The following NTRK2 variants were observed in gnomAD, a reference collection of about 807,000 sequenced individuals.
The protein encoded by NTRK2 is BDNF/NT-3 growth factors receptor.
Under a neutral mutation model 94.5 loss-of-function variants are expected in NTRK2, and 13 were observed. The observed-to-expected ratio is 0.14, with a 90% CI of 0.09 to 0.22. NTRK2 has a LOEUF of 0.22. Ranked by LOEUF, NTRK2 falls within the 10% of genes least tolerant of loss-of-function variation. NTRK2 has a pLI of 1.00. For missense variants in NTRK2, 639 were observed against 1,071.2 expected, an observed-to-expected ratio of 0.60 and a Z score of 5.63; for synonymous variants, 372 against 407.4, an observed-to-expected ratio of 0.91 and a Z score of 1.05.
intron 12 of NTRK2, among the ~76,000 whole-genome samples, chr9:84,772,761 T>C (rs2066679700): frequency 6.6e-6 from 1 of 152,000 alleles, no homozygotes; most frequent in African/African-American, 2.4e-5. Context: ...GAGTAAGAGA[T>C]CTCTGCACAG....
chr9:84,923,087 A>G (rs1357131263), intron 14 of NTRK2, among the ~76,000 whole-genome samples: 2 of 152,074 alleles, frequency 1.3e-5, no homozygotes, highest in Non-Finnish European at 2.9e-5. Flanking sequence ...GTGGTTGTGA[A>G]CTCTGCTGAG....
intron 14 of NTRK2, among the ~76,000 whole-genome samples, chr9:84,888,000 T>G (rs1336818561): frequency 6.6e-6 from 1 of 152,244 alleles, no homozygotes; most frequent in Non-Finnish European, 1.5e-5. Flanking sequence ...AAAACCCATT[T>G]TTTTTAAAGG....
intron 2 of NTRK2, 141 bp downstream of exon 2, chr9:84,671,101 A>G: frequency 6.3e-6 from 5 of 799,476 alleles, no homozygotes; most frequent in Non-Finnish European, 1.1e-5. Flanking sequence ...GTCATCTGTC[A>G]GTTACCTGCT....
chr9:84,943,379 G>T (rs2808707), intron 15 of NTRK2, among the ~76,000 whole-genome samples: 71,660 of 151,982 alleles, frequency 0.47, 17,519 homozygotes, highest in African/African-American at 0.61. Flanking sequence ...TATTTCACCA[G>T]CACTAGTTTC....
intron 12 of NTRK2, among the ~76,000 whole-genome samples, chr9:84,791,823 C>G (rs1393733015): frequency 1.3e-5 from 2 of 152,110 alleles, no homozygotes; most frequent in East Asian, 3.9e-4. Context: ...ATCTAAAACA[C>G]AACTCAAGCT....
intron 15 of NTRK2, among the ~76,000 whole-genome samples, chr9:84,938,820 G>C (rs117066977): frequency 2.0e-5 from 3 of 152,196 alleles, no homozygotes; most frequent in Admixed American, 2.0e-4. Context: ...GGAGGCCAAG[G>C]CAGATGAATT....
At chr9:84,923,303 G>A (rs2077629048) in intron 14 of NTRK2, among the ~76,000 whole-genome samples, 1 of 152,182 alleles carries the variant, frequency 6.6e-6, no homozygotes, top group South Asian at 2.1e-4. Flanking sequence ...GAGCCTTTCT[G>A]AGTTGCCCAG....
chr9:84,768,980 T>C (rs960723521), intron 12 of NTRK2, among the ~76,000 whole-genome samples: 1 of 152,050 alleles, frequency 6.6e-6, no homozygotes, highest in East Asian at 1.9e-4. Context: ...ATGGAAGATT[T>C]TGGCTTAACC....
rs766917919 is a variant in NTRK2, at chr9:84,934,188, A to G, written c.1660A>G (p.Ile554Val). The change falls in exon 15 of 19, where the codon ATT becomes GTT. Residue 554 changes from isoleucine (I) to valine (V), a missense_variant. Around this residue, in one of 5 missense-constraint regions of NTRK2, gnomAD observed 343 missense variants for 571.5 expected, o/e 0.60. Coordinates refer to ENST00000277120, the MANE Select transcript of NTRK2 (RefSeq NM_006180.6). ...TFVQHIKRHN[I>V]VLKRELGEGA... ...TGTTCAGCACATCAAGCGACATAAC[A>G]TTGTTCTGAAAAGGGAGCTAGGCGA... The G allele has an allele frequency of 2.5e-6, 4 of 1,613,916 alleles. No individual in the cohort carries two copies. Among genetic ancestry groups the G allele is most frequent in the Non-Finnish European group, 3.4e-6 (4 of 1,179,928 alleles).
intron 4 of NTRK2, among the ~76,000 whole-genome samples, chr9:84,704,427 C>T (rs946220266): frequency 4.0e-5 from 6 of 151,522 alleles, no homozygotes; most frequent in Admixed American, 1.3e-4. Flanking sequence ...TGGGTTTCAC[C>T]GCATTAGCCA....
chr9:84,747,971 A>G (rs914165642), intron 11 of NTRK2, among the ~76,000 whole-genome samples: 7 of 152,218 alleles, frequency 4.6e-5, no homozygotes, highest in South Asian at 2.1e-4. Context: ...TTTTATATAT[A>G]AAGAGTTCTT....
chr9:84,930,958 A>G (rs1437842072), intron 14 of NTRK2, among the ~76,000 whole-genome samples: 1 of 152,242 alleles, frequency 6.6e-6, no homozygotes, highest in Admixed American at 6.5e-5. Context: ...ATTAACTCAA[A>G]TAACATAGTC....
At chr9:84,977,477 C>T (rs1827034102) in intron 17 of NTRK2, among the ~76,000 whole-genome samples, 1 of 152,204 alleles carries the variant, frequency 6.6e-6, no homozygotes, top group African/African-American at 2.4e-5. Context: ...TCTCCTTGTT[C>T]AACCTTCACT....
chr9:84,797,772 A>ATATTATATATTATATATAC (rs2069714835), intron 12 of NTRK2, among the ~76,000 whole-genome samples: 13 of 15,752 alleles, frequency 8.3e-4, no homozygotes, highest in African/African-American at 2.5e-3. Flanking sequence ...ATAATAATAT[A>ATATTATATATTATATATAC]TATAATATAT....
intron 17 of NTRK2, among the ~76,000 whole-genome samples, chr9:84,985,875 C>T (rs1372818645): frequency 2.6e-5 from 4 of 152,026 alleles, no homozygotes; most frequent in East Asian, 1.9e-4. Context: ...ACAGGTGAAT[C>T]GTAAAACCAG....
intron 2 of NTRK2, among the ~76,000 whole-genome samples, chr9:84,698,149 G>A (rs2060501453): frequency 6.6e-6 from 1 of 151,938 alleles, no homozygotes; most frequent in Non-Finnish European, 1.5e-5. Flanking sequence ...GTGTGTGTGT[G>A]TAACCCCAGA....
At chr9:84,788,828 C>A (rs1368421439) in intron 12 of NTRK2, among the ~76,000 whole-genome samples, 6 of 152,012 alleles carry the variant, frequency 3.9e-5, no homozygotes, top group Non-Finnish European at 8.8e-5. Context: ...GGGTTCCACT[C>A]CTCCCAGACC....
rs138985870 is a variant in NTRK2 at position 85,011,920 on chromosome 9, T to C, written c.2173-8286T>C. ...TTGGGATAAAAGAACATGCCTGACC[T>C]ACCCCACAGGACTAGTGGAGAATCA... is the stretch of plus-strand genomic sequence containing the variant. On this transcript the variant is annotated intron_variant, in intron 17 of 18. Coordinates refer to ENST00000277120, the MANE Select transcript of NTRK2 (RefSeq NM_006180.6). Among the ~76,000 whole-genome samples the C allele has an allele frequency of 5.9e-3, 883 of 149,810 alleles. 25 individuals carry two copies. The highest frequency in any genetic ancestry group is 0.04 in the East Asian group (202 of 5,020).
chr9:84,997,485 A>G (rs1005608713), intron 17 of NTRK2, among the ~76,000 whole-genome samples: 8 of 152,234 alleles, frequency 5.3e-5, no homozygotes, highest in African/African-American at 1.9e-4. Context: ...GGTTACTGAC[A>G]CAGTAACAGA....
Sources: allele counts gnomAD v4.1 joint callset (sites outside exome capture counted in the v4.1 genomes callset), GRCh38; gene constraint gnomAD v4.1.1; regional missense constraint gnomAD v4.1.1; transcripts MANE v1.5; gene names NCBI Gene and HGNC (gene_info 2026-07-23, HGNC 2026-07-21).